The following CDK14 variants were observed in gnomAD, a reference collection of about 807,000 sequenced individuals.
CDK14 encodes the protein cyclin-dependent kinase 14.
A neutral mutation model predicts 60.7 loss-of-function variants in CDK14; 34 were observed. The ratio of observed to expected loss-of-function variants is 0.56; its 90% CI spans 0.43 to 0.75. The LOEUF is 0.75. Ranked by LOEUF, CDK14 falls within the 30% of genes least tolerant of loss-of-function variation. The pLI, the probability that CDK14 is intolerant of heterozygous loss-of-function variation, is 0.00. For synonymous variants in CDK14, 197 were observed against 203.7 expected, an observed-to-expected ratio of 0.97 and a Z score of 0.28; for missense variants, 482 against 564.1, an observed-to-expected ratio of 0.85 and a Z score of 1.47.
intron 14 of CDK14, among the ~76,000 whole-genome samples, chr7:91,131,065 G>T (rs993002744): frequency 2.0e-5 from 3 of 151,908 alleles, no homozygotes; most frequent in African/African-American, 4.8e-5. Context: ...CAGTCAGTCA[G>T]ATTAGGGCTG....
chr7:90,748,253 G>T (rs570391667), intron 4 of CDK14, among the ~76,000 whole-genome samples: 1 of 151,860 alleles, frequency 6.6e-6, no homozygotes, highest in Non-Finnish European at 1.5e-5. Context: ...GTCTGCTTTG[G>T]CATCATGCTG....
intron 2 of CDK14, among the ~76,000 whole-genome samples, chr7:90,630,574 A>T (rs1799971765): frequency 6.6e-6 from 1 of 152,230 alleles, no homozygotes; most frequent in Non-Finnish European, 1.5e-5. Flanking sequence ...TAGCAACATT[A>T]CAAAGTAACG....
At chr7:90,985,928 AGTGTATTTTTATAATGGAAAATT>A (rs1795362006) in intron 10 of CDK14, among the ~76,000 whole-genome samples, 1 of 152,146 alleles carries the variant, frequency 6.6e-6, no homozygotes, top group Non-Finnish European at 1.5e-5. Context: ...TTATAAAAAT[AGTGTATTTTTATAATGGAAAATT>A]CCTACAGTGT....
intron 5 of CDK14, among the ~76,000 whole-genome samples, chr7:90,831,089 G>A (rs1219669187): frequency 1.3e-5 from 2 of 152,134 alleles, no homozygotes; most frequent in Non-Finnish European, 2.9e-5. Flanking sequence ...CAGTTCCAAA[G>A]TCACTTCCAC....
At chr7:90,940,505 G>T (rs985390930) in intron 8 of CDK14, among the ~76,000 whole-genome samples, 1 of 152,112 alleles carries the variant, frequency 6.6e-6, no homozygotes, top group Non-Finnish European at 1.5e-5. Context: ...ATACAATAAG[G>T]CTGGGTGCAG....
At chr7:91,089,288 T>A (rs1798733207) in intron 12 of CDK14, among the ~76,000 whole-genome samples, 1 of 152,150 alleles carries the variant, frequency 6.6e-6, no homozygotes, top group Non-Finnish European at 1.5e-5. Flanking sequence ...GACATACTTT[T>A]AAGTTTCTCA....
chr7:90,606,581 GAGTT>G (rs1193745431), intron 2 of CDK14, among the ~76,000 whole-genome samples: 1 of 152,198 alleles, frequency 6.6e-6, no homozygotes, highest in South Asian at 2.1e-4. Flanking sequence ...GCTATGAGGA[GAGTT>G]AATTTCAGAT....
At chr7:90,674,868 C>A (rs1348097547) in intron 2 of CDK14, among the ~76,000 whole-genome samples, 1 of 152,216 alleles carries the variant, frequency 6.6e-6, no homozygotes, top group Admixed American at 6.5e-5. Context: ...TCCTTCCCTG[C>A]CTGGACAGGA....
At chr7:91,012,201 C>G (rs546585750) in intron 10 of CDK14, among the ~76,000 whole-genome samples, 2 of 152,188 alleles carry the variant, frequency 1.3e-5, no homozygotes, top group Admixed American at 1.3e-4. Context: ...AAACAAGATC[C>G]TTTTTAGCCC....
rs563841557 is a variant in CDK14, at chr7:91,182,588, G to A, written c.*29-24577G>A. 9.2e-5 allele frequency among the ~76,000 whole-genome samples: 14 copies of A among 152,002 alleles called. No homozygotes were observed. In the East Asian group the frequency reaches 2.5e-3, roughly 27 times the overall value. On this transcript the variant is annotated intron_variant, in intron 14 of 14. Transcript: ENST00000380050. ...ATAGGATATATATATAGAAAAGAGG[G>A]ACAGGGATAGAAGGTAGACTTTATA...
intron 8 of CDK14, among the ~76,000 whole-genome samples, chr7:90,935,399 G>T (rs1793717373): frequency 6.6e-6 from 1 of 152,170 alleles, no homozygotes; most frequent in Non-Finnish European, 1.5e-5. Flanking sequence ...AATGCTATCA[G>T]AAAGGGTTAT....
chr7:91,005,537 A>G (rs1190217802), intron 10 of CDK14, among the ~76,000 whole-genome samples: 1 of 152,210 alleles, frequency 6.6e-6, no homozygotes, highest in African/African-American at 2.4e-5. Context: ...ACATGAATAC[A>G]TATCATTTTA....
chr7:90,744,985 C>T (rs1803534177), intron 3 of CDK14, among the ~76,000 whole-genome samples: 1 of 151,914 alleles, frequency 6.6e-6, no homozygotes, highest in Non-Finnish European at 1.5e-5. Context: ...CACTCCTTAC[C>T]CTCTTCCTCT....
intron 14 of CDK14, among the ~76,000 whole-genome samples, chr7:91,122,372 A>G (rs555899084): frequency 1.3e-5 from 2 of 152,352 alleles, no homozygotes; most frequent in South Asian, 2.1e-4. Context: ...AGAATGCTCA[A>G]TGAAATTTAA....
chr7:90,767,758 T>C (rs953537052), intron 4 of CDK14, among the ~76,000 whole-genome samples: 3 of 152,210 alleles, frequency 2.0e-5, no homozygotes, highest in Non-Finnish European at 4.4e-5. Flanking sequence ...ACTAATATTA[T>C]AGTAAGAACT....
intron 5 of CDK14, among the ~76,000 whole-genome samples, chr7:90,810,615 G>A (rs1156957551): frequency 6.6e-6 from 1 of 151,348 alleles, no homozygotes; most frequent in African/African-American, 2.4e-5. Flanking sequence ...TTGGAAGCCA[G>A]GGCAATTAGG....
chr7:90,779,041 C>A (rs931951773), intron 4 of CDK14, among the ~76,000 whole-genome samples: 4 of 151,876 alleles, frequency 2.6e-5, no homozygotes, highest in Non-Finnish European at 5.9e-5. Context: ...ATAGTGAGTT[C>A]AGGTGTTCGA....
At chr7:90,814,301 A>G (rs1052019791) in intron 5 of CDK14, among the ~76,000 whole-genome samples, 1 of 152,172 alleles carries the variant, frequency 6.6e-6, no homozygotes, top group East Asian at 1.9e-4. Context: ...TCGGAAGGAA[A>G]GTTTCAGGGG....
At chr7:90,854,304 G>A (rs1215486321) in intron 5 of CDK14, among the ~76,000 whole-genome samples, 3 of 152,004 alleles carry the variant, frequency 2.0e-5, no homozygotes, top group Non-Finnish European at 4.4e-5. Flanking sequence ...ACTTGAGTGC[G>A]GGAATTCGAG....
Sources: gnomAD v4.1 joint callset for allele counts (sites outside exome capture counted in the v4.1 genomes callset) on GRCh38, gnomAD v4.1.1 for gene constraint, MANE v1.5 for transcripts, NCBI Gene and HGNC (gene_info 2026-07-23, HGNC 2026-07-21) for gene names.